MEI4: variants seen among roughly 807,000 people sequenced by gnomAD.
MEI4 encodes meiotic double-stranded break formation protein 4, also known as meiosis-specific protein MEI4.
In MEI4, 27 loss-of-function variants were observed where a neutral mutation model predicts 31.4. That is an observed-to-expected ratio of 0.86 (90% CI 0.63 to 1.19). The LOEUF is 1.19. Ranked by LOEUF, MEI4 falls within the 50% of genes most tolerant of loss-of-function variation. The pLI, the probability that MEI4 is intolerant of heterozygous loss-of-function variation, is 0.00. For synonymous variants in MEI4, 122 were observed against 145.4 expected, an observed-to-expected ratio of 0.84 and a Z score of 1.16; for missense variants, 329 against 398.9, an observed-to-expected ratio of 0.82 and a Z score of 1.49.
chr6:77,781,853 T>C (rs1186530404), intron 3 of MEI4, among the ~76,000 whole-genome samples: 3 of 152,186 alleles, frequency 2.0e-5, no homozygotes, highest in Non-Finnish European at 4.4e-5. Context: ...CAAGGCCCTG[T>C]ACTCTGCTGT....
chr6:77,672,151 A>G (rs946498761), intron 1 of MEI4, among the ~76,000 whole-genome samples: 1 of 152,240 alleles, frequency 6.6e-6, no homozygotes, highest in African/African-American at 2.4e-5. Context: ...ACAGCAAAAA[A>G]GTGTCTTGGG....
intron 2 of MEI4, among the ~76,000 whole-genome samples, chr6:77,693,696 G>GA (rs993476935): frequency 2.0e-5 from 3 of 151,790 alleles, no homozygotes; most frequent in Non-Finnish European, 2.9e-5. Context: ...AAAGGGGAGA[G>GA]AAAAAATATA....
At position 77,680,128 on chromosome 6, in the gene MEI4, A is replaced by AAAAAAAAAAAAAAAAAAAAAT. The variant is rs1247876878; in HGVS notation, c.-14-10529_-14-10528insAAAAAAAAAAAAAAAAAAATA. Among the ~76,000 whole-genome samples, 61 of 115,474 alleles carry AAAAAAAAAAAAAAAAAAAAAT rather than the reference A, an allele frequency of 5.3e-4. 1 individual carries two copies. Among genetic ancestry groups the AAAAAAAAAAAAAAAAAAAAAT allele is most frequent in the East Asian group, 1.0e-3 (4 of 4,002 alleles). The allele number at this position is 115,474 out of a possible 152,430, so 75.8% of individuals were successfully genotyped here. On this transcript the variant is annotated intron_variant, in intron 1 of 4. Coordinates refer to ENST00000684080, the MANE Select transcript of MEI4 (RefSeq NM_001322247.2). ...CTACTAAAAATACAAAAAAAAAAAA[A>AAAAAAAAAAAAAAAAAAAAAT]ATTAGCTGGGCGTGATGGCGGGCGC...
chr6:77,884,067 G>A (rs540647890), intron 4 of MEI4, among the ~76,000 whole-genome samples: 15 of 151,910 alleles, frequency 9.9e-5, no homozygotes, highest in African/African-American at 3.6e-4. Flanking sequence ...ATAGTAAGAT[G>A]ATATCTCATT....
chr6:77,724,703 AC>A (rs1419514499), intron 2 of MEI4, among the ~76,000 whole-genome samples: 1 of 149,092 alleles, frequency 6.7e-6, no homozygotes, highest in African/African-American at 2.5e-5. Flanking sequence ...CAGGCACCTG[AC>A]CTGCTGGAAG....
intron 4 of MEI4, among the ~76,000 whole-genome samples, chr6:77,875,245 T>A (rs1168052657): frequency 2.0e-5 from 3 of 152,250 alleles, no homozygotes; most frequent in Non-Finnish European, 2.9e-5. Flanking sequence ...TGCATGCATA[T>A]GTATGTTTAT....
chr6:77,824,246 TC>T (rs1037370533), intron 3 of MEI4, among the ~76,000 whole-genome samples: 3 of 152,068 alleles, frequency 2.0e-5, no homozygotes, highest in African/African-American at 7.2e-5. Context: ...CGTGCCACCA[TC>T]CCCAGCTAAT....
chr6:77,660,328 T>G (rs1445284324), intron 1 of MEI4, among the ~76,000 whole-genome samples: 1 of 152,054 alleles, frequency 6.6e-6, no homozygotes, highest in Non-Finnish European at 1.5e-5. Context: ...TAGAACTTCA[T>G]CAGGGTGGAA....
intron 2 of MEI4, among the ~76,000 whole-genome samples, chr6:77,694,140 A>T (rs1769211316): frequency 2.0e-5 from 3 of 152,110 alleles, no homozygotes; most frequent in African/African-American, 7.2e-5. Flanking sequence ...GTTTTATTAT[A>T]AACACATCTC....
chr6:77,837,509 T>A (rs886445016), intron 4 of MEI4, among the ~76,000 whole-genome samples: 2 of 152,180 alleles, frequency 1.3e-5, no homozygotes, highest in African/African-American at 4.8e-5. Flanking sequence ...CCAAAGAGAC[T>A]TTATTAACTT....
intron 2 of MEI4, among the ~76,000 whole-genome samples, chr6:77,747,561 A>C (rs775445806): frequency 6.6e-6 from 1 of 152,218 alleles, no homozygotes; most frequent in South Asian, 2.1e-4. Context: ...AGCTTAGGGG[A>C]AACCACCCCT....
chr6:77,867,521 C>T (rs1771072094), intron 4 of MEI4, among the ~76,000 whole-genome samples: 1 of 152,156 alleles, frequency 6.6e-6, no homozygotes, highest in Non-Finnish European at 1.5e-5. Flanking sequence ...AATGAGATAC[C>T]ACCTCACTCC....
chr6:77,712,692 C>A (rs1208944393), intron 2 of MEI4, among the ~76,000 whole-genome samples: 1 of 152,122 alleles, frequency 6.6e-6, no homozygotes, highest in Middle Eastern at 3.2e-3. Context: ...CAAAAGGAGG[C>A]CGGGTGCGGT....
At chr6:77,903,638 T>A (rs960592162) in intron 4 of MEI4, among the ~76,000 whole-genome samples, 4 of 152,158 alleles carry the variant, frequency 2.6e-5, no homozygotes, top group Non-Finnish European at 5.9e-5. Context: ...GACTTTCAAC[T>A]TTTTACCATT....
At chr6:77,817,091 C>T (rs1205929761) in intron 3 of MEI4, among the ~76,000 whole-genome samples, 1 of 151,840 alleles carries the variant, frequency 6.6e-6, no homozygotes, top group African/African-American at 2.4e-5. Context: ...AGCATTTTAC[C>T]TGTAGCTCAA....
At chr6:77,732,632 C>G (rs1056190826) in intron 2 of MEI4, among the ~76,000 whole-genome samples, 3 of 146,440 alleles carry the variant, frequency 2.0e-5, no homozygotes, top group Non-Finnish European at 4.6e-5. Context: ...CTTCTCCTGC[C>G]TAATTGCCCT....
chr6:77,808,019 T>A (rs926372419), intron 3 of MEI4, among the ~76,000 whole-genome samples: 2 of 152,176 alleles, frequency 1.3e-5, no homozygotes, highest in African/African-American at 4.8e-5. Context: ...TCAGAAAGTT[T>A]GAAAGCAGTG....
intron 3 of MEI4, among the ~76,000 whole-genome samples, chr6:77,805,200 C>T (rs1769397158): frequency 6.6e-6 from 1 of 151,928 alleles, no homozygotes; most frequent in Non-Finnish European, 1.5e-5. Context: ...AATAAGAATT[C>T]CTTCCCACCA....
intron 2 of MEI4, among the ~76,000 whole-genome samples, chr6:77,700,863 G>GA (rs1766203774): frequency 2.0e-5 from 3 of 152,086 alleles, no homozygotes; most frequent in Non-Finnish European, 4.4e-5. Flanking sequence ...ATATAGGGGA[G>GA]GGATAAAGAG....
Sources: allele counts gnomAD v4.1 joint callset (sites outside exome capture counted in the v4.1 genomes callset), GRCh38; gene constraint gnomAD v4.1.1; transcripts MANE v1.5; gene names NCBI Gene and HGNC (gene_info 2026-07-23, HGNC 2026-07-21).